STK35: variants seen among roughly 807,000 people sequenced by gnomAD.
STK35 encodes serine/threonine-protein kinase 35.
A neutral mutation model predicts 37.3 loss-of-function variants in STK35; 17 were observed. The ratio of observed to expected loss-of-function variants is 0.46; its 90% CI spans 0.31 to 0.68. The LOEUF (loss-of-function observed/expected upper bound fraction) is 0.68, where lower values mean the gene tolerates loss of function less well. Ranked by LOEUF, STK35 falls within the 30% of genes least tolerant of loss-of-function variation. STK35 has a pLI of 0.05. For synonymous variants in STK35, 385 were observed against 319.1 expected (o/e 1.21, Z -2.20); for missense variants, 595 against 746.7 (o/e 0.80, Z 2.37).
At position 2,102,832 on chromosome 20, in the gene STK35, C is replaced by T. The variant is rs775775175; in HGVS notation, c.359C>T (p.Ala120Val). 29 of 1,530,678 alleles carry T rather than the reference C, an allele frequency of 1.9e-5. No individual in the cohort carries two copies. The highest frequency in any genetic ancestry group is 3.5e-4 in the Middle Eastern group (2 of 5,694). The allele number at this position is 1,530,678 out of a possible 1,614,324, so 94.8% of individuals were successfully genotyped here. A position where few individuals can be genotyped will look rare whatever the true frequency, so the allele number is the denominator to read the frequency against. ...GGACGGAGGGATGAGGCAGGGGGGGCCCGGGCAGCGCCGTTGCTGCTCCCC... is the reference window on the plus strand; with the variant it reads ...GGACGGAGGGATGAGGCAGGGGGGGTCCGGGCAGCGCCGTTGCTGCTCCCC... ...RAGRRDEAGG[A>V]RAAPLLLPPP... The change falls in exon 2 of 4, where the codon GCC becomes GTC. Residue 120 changes from alanine (A) to valine (V), a missense_variant. Ala to Val is a moderately conservative substitution (Grantham distance 64). Around this residue, in one of 3 missense-constraint regions of STK35, gnomAD observed 389 missense variants for 320.0 expected, o/e 1.22. Coordinates refer to ENST00000381482, the MANE Select transcript of STK35 (RefSeq NM_080836.4).
At position 2,101,961 on chromosome 20, in the gene STK35, G is replaced by C. The variant is rs972327391; in HGVS notation, c.80G>C (p.Ser27Thr). Residue 27 changes from serine to threonine, a missense_variant, in exon 1 of 4, where the codon AGC (serine) becomes ACC (threonine). By Grantham distance (58) the Ser-to-Thr change is moderately conservative. Transcript: ENST00000381482. ...GTAAAGAGGTTATGTAAAGGGCTCA[G>C]CTGGCGCGAACACGTGGAAAGCCAC... ...AYVKRLCKGLSWREHVESHGS... is the reference protein window; with the variant it reads ...AYVKRLCKGLTWREHVESHGS... 3.3e-6 allele frequency: 5 copies of C among 1,522,574 alleles called. No individual in the cohort carries two copies. The highest frequency in any genetic ancestry group is 4.4e-6 in the Non-Finnish European group (5 of 1,138,000). The allele number at this position is 1,522,574 out of a possible 1,614,324, so 94.3% of individuals were successfully genotyped here.
chr20:2,108,815 C>T (rs903216354), intron 2 of STK35, among the ~76,000 whole-genome samples: 11 of 152,144 alleles, frequency 7.2e-5, no homozygotes, highest in Non-Finnish European at 5.9e-5. Flanking sequence ...TATAAACTCT[C>T]GAGGGGTGCT....
At position 2,133,966 on chromosome 20, in the gene STK35, C is replaced by T. The variant is rs144613863; in HGVS notation, c.*38-9818C>T. Among the ~76,000 whole-genome samples, 243 of 152,256 alleles carry T rather than the reference C, an allele frequency of 1.6e-3. 1 individual carries two copies. Among genetic ancestry groups the T allele is most frequent in the African/African-American group, 5.5e-3 (229 of 41,540 alleles). On this transcript the variant is annotated intron_variant, in intron 3 of 3. Transcript: ENST00000381482. ...CAGTAAGTCATACCCTGCTGACTTA[C>T]TGGGCCTTACATGGGCCTGCCACTT...
rs1251994616 is a variant in STK35 at position 2,148,498 on chromosome 20, C to T, written c.*4752C>T. The T allele has an allele frequency of 1.3e-5, 2 of 152,494 alleles. No homozygotes were observed. The highest frequency in any genetic ancestry group is 2.4e-5 in the African/African-American group (1 of 41,406). 9.4% of individuals were successfully genotyped at this position (152,494 alleles called of 1,614,324 possible). ...GACTGAGGCTTTGTAAATTAAGGGA[C>T]GTTTGTGTGAATAAAGTTATTTGAT... is the stretch of plus-strand genomic sequence containing the variant. On this transcript the variant is annotated 3_prime_UTR_variant, in exon 4 of 4. Transcript: ENST00000381482.
In STK35 at chr20:2,145,000, G is replaced by C. The variant is rs754911414; in HGVS notation, c.*1254G>C. On this transcript the variant is annotated 3_prime_UTR_variant, in exon 4 of 4. Transcript: ENST00000381482. ...GACCTGCCCAGAGCAGGGAGGTGTC[G>C]TGGAACTGGGTAGACCCCCTGCAGC... 1 of 152,366 alleles carries C rather than the reference G, an allele frequency of 6.6e-6. No individual in the cohort carries two copies. The highest frequency in any genetic ancestry group is 1.5e-5 in the Non-Finnish European group (1 of 68,104). 9.4% of individuals were successfully genotyped at this position (152,366 alleles called of 1,614,324 possible).
Position 2,103,064 on chromosome 20 carries a change from C to G in STK35, c.591C>G (p.Ser197=). The part of the protein sequence containing the change: ...ARRRPEGGGG[S]ARPRYSLLAE... ...GACGGCCTGAGGGCGGTGGCGGGTC[C>G]GCGCGGCCGCGTTACAGCCTGTTGG... is the stretch of plus-strand genomic sequence containing the variant. Residue 197 remains serine (S), a synonymous_variant, in exon 2 of 4, where the codon TCC becomes TCG. Transcript: ENST00000381482. The G allele has an allele frequency of 1.3e-6, 2 of 1,574,192 alleles. No individual in the cohort carries two copies. Among genetic ancestry groups the G allele is most frequent in the Non-Finnish European group, 1.7e-6 (2 of 1,168,508 alleles).
At chr20:2,139,620 A>G (rs1399846055) in intron 3 of STK35, among the ~76,000 whole-genome samples, 1 of 152,140 alleles carries the variant, frequency 6.6e-6, no homozygotes, top group Admixed American at 6.5e-5. Flanking sequence ...TCTCATCTCT[A>G]AGACGAGGGG....
chr20:2,134,924 G>A (rs6137086), intron 3 of STK35, among the ~76,000 whole-genome samples: 63,401 of 151,978 alleles, frequency 0.42, 15,746 homozygotes, highest in East Asian at 0.92. Flanking sequence ...CCTGGGATAT[G>A]CATTAAACTT....
chr20:2,135,100 C>T (rs917060681), intron 3 of STK35, among the ~76,000 whole-genome samples: 1 of 152,124 alleles, frequency 6.6e-6, no homozygotes, highest in African/African-American at 2.4e-5. Context: ...CCAGGTTTCC[C>T]ACATTTACTC....
At chr20:2,108,640 C>G (rs943481066) in intron 2 of STK35, among the ~76,000 whole-genome samples, 1 of 152,200 alleles carries the variant, frequency 6.6e-6, no homozygotes, top group African/African-American at 2.4e-5. Context: ...GCTCTCTGCT[C>G]TACTCTTGAA....
chr20:2,142,691 A>G (rs1313273935), intron 3 of STK35, among the ~76,000 whole-genome samples: 1 of 152,198 alleles, frequency 6.6e-6, no homozygotes, highest in East Asian at 1.9e-4. Flanking sequence ...CAGGAGTTCA[A>G]GGTTGCAGTG....
intron 3 of STK35, among the ~76,000 whole-genome samples, chr20:2,126,914 A>G (rs1436830323): frequency 6.6e-6 from 1 of 152,186 alleles, no homozygotes; most frequent in Non-Finnish European, 1.5e-5. Context: ...GTCTAGGGAC[A>G]TGGGAGGAAT....
At chr20:2,109,522 G>A (rs920726069) in intron 2 of STK35, among the ~76,000 whole-genome samples, 2 of 152,214 alleles carry the variant, frequency 1.3e-5, no homozygotes, top group African/African-American at 2.4e-5. Context: ...AAGAACGTCA[G>A]TGTCCATCAA....
chr20:2,102,116 C>A lies in STK35; in HGVS notation c.235C>A (p.Pro79Thr), dbSNP rs1253058103. 19 of 1,432,246 alleles carry A rather than the reference C, an allele frequency of 1.3e-5. No individual in the cohort carries two copies. In the East Asian group the frequency reaches 5.1e-4, roughly 38 times the overall value. 88.7% of individuals were successfully genotyped at this position (1,432,246 alleles called of 1,614,324 possible). The change falls in exon 1 of 4, where the codon CCC (proline) becomes ACC (threonine). Residue 79 changes from proline to threonine, a missense_variant. Physicochemically the swap from Pro to Thr is conservative, Grantham distance 38 (BLOSUM62 -1). Around this residue, in one of 3 missense-constraint regions of STK35, gnomAD observed 389 missense variants for 320.0 expected, o/e 1.22. Coordinates refer to ENST00000381482, the MANE Select transcript of STK35 (RefSeq NM_080836.4). The stretch of plus-strand genomic sequence containing the variant: ...GCAGCCCGGGCCCGGAGCGGACCAT[C>A]CCCAGGCAGGGGCTCCAGGGGGGAA... The part of the protein sequence containing the change: ...RRQPGPGADH[P>T]QAGAPGGKRA...
chr20:2,140,859 G>A (rs1199452501), intron 3 of STK35, among the ~76,000 whole-genome samples: 1 of 152,206 alleles, frequency 6.6e-6, no homozygotes, highest in Non-Finnish European at 1.5e-5. Context: ...GTCACACTGT[G>A]TTCTGCTAGT....
At chr20:2,112,112 A>G (rs1041136629) in intron 2 of STK35, among the ~76,000 whole-genome samples, 9 of 152,268 alleles carry the variant, frequency 5.9e-5, no homozygotes, top group African/African-American at 2.2e-4. Flanking sequence ...AGTGGCGTTG[A>G]CTAAAACCTG....
rs1273800183 is a variant in STK35 at position 2,117,060 on chromosome 20, A to G, written c.1287A>G (p.Gly429=). ...DFYMAPEVWE[G]HYTAKADIFA... Reference sequence around the variant, plus strand: ...ACATGGCTCCTGAAGTCTGGGAGGGACACTACACAGCCAAGGCGGACATCT... The same window carrying G: ...ACATGGCTCCTGAAGTCTGGGAGGGGCACTACACAGCCAAGGCGGACATCT... The change falls in exon 3 of 4, where the codon GGA becomes GGG. Residue 429 remains glycine (G), a synonymous_variant. Transcript: ENST00000381482. The surrounding 1 kb of genome is among the most constrained non-coding windows in gnomAD (Gnocchi z 4.4). 1.2e-6 allele frequency: 2 copies of G among 1,614,156 alleles called. No individual in the cohort carries two copies. The highest frequency in any genetic ancestry group is 1.3e-5 in the African/African-American group (1 of 75,046).
chr20:2,128,149 G>C (rs536792338), intron 3 of STK35, among the ~76,000 whole-genome samples: 6 of 152,142 alleles, frequency 3.9e-5, no homozygotes, highest in Non-Finnish European at 8.8e-5. Flanking sequence ...TGGAAACTGG[G>C]GAGTGGTATT....
chr20:2,129,881 T>C (rs945869577), intron 3 of STK35, among the ~76,000 whole-genome samples: 2 of 152,004 alleles, frequency 1.3e-5, no homozygotes, highest in African/African-American at 2.4e-5. Flanking sequence ...CACTGGCTGC[T>C]CTGTGGCCAG....
Sources: allele counts gnomAD v4.1 joint callset (sites outside exome capture counted in the v4.1 genomes callset), GRCh38; gene constraint gnomAD v4.1.1; regional missense constraint gnomAD v4.1.1; non-coding constraint Gnocchi (gnomAD v3.1); transcripts MANE v1.5; gene names NCBI Gene and HGNC (gene_info 2026-07-23, HGNC 2026-07-21).